The following MTMR3 variants were observed in gnomAD, a reference collection of about 807,000 sequenced individuals.
MTMR3 encodes the protein phosphatidylinositol-3,5-bisphosphate 3-phosphatase MTMR3.
MTMR3 carries 32 observed loss-of-function variants against 132.4 expected under a neutral mutation model. That is an observed-to-expected ratio of 0.24 (90% CI 0.18 to 0.32). The LOEUF (loss-of-function observed/expected upper bound fraction) is 0.32, where lower values mean the gene tolerates loss of function less well. MTMR3 is among the 10% of genes least tolerant of loss of function. The pLI is 1.00. For synonymous variants in MTMR3, 556 were observed against 550.3 expected (o/e 1.01, Z -0.14); for missense variants, 1,216 against 1,489.6 (o/e 0.82, Z 3.02).
chr22:29,962,529 G>A (rs2066332190), intron 2 of MTMR3, among the ~76,000 whole-genome samples: 1 of 152,070 alleles, frequency 6.6e-6, no homozygotes, highest in Non-Finnish European at 1.5e-5. Flanking sequence ...AAAATAGCCG[G>A]GTGTGGTGGC....
intron 5 of MTMR3, chr22:29,985,892 T>C (rs891294919): frequency 1.3e-5 from 2 of 152,254 alleles, no homozygotes; most frequent in African/African-American, 2.4e-5. Flanking sequence ...TTTTATGATA[T>C]TAAATTTGGG....
intron 1 of MTMR3, among the ~76,000 whole-genome samples, chr22:29,930,390 C>G (rs1257010295): frequency 1.3e-5 from 2 of 152,108 alleles, no homozygotes; most frequent in Non-Finnish European, 2.9e-5. Context: ...GACTTCCAAA[C>G]CTAGCATTAT....
intron 18 of MTMR3, 180 bp from the exon 19 acceptor site, chr22:30,022,429 G>C (rs116928190): frequency 4.5e-4 from 284 of 632,920 alleles, no homozygotes; most frequent in Middle Eastern, 1.7e-3. Context: ...GGGGAGATTG[G>C]AGTCCCCTCC....
At chr22:29,892,105 A>G (rs1305087443) in intron 1 of MTMR3, among the ~76,000 whole-genome samples, 1 of 151,320 alleles carries the variant, frequency 6.6e-6, no homozygotes, top group South Asian at 2.1e-4. Flanking sequence ...GTGAGCTGAG[A>G]TTGTGCCACT....
chr22:29,982,973 G>GTA (rs1555911436), intron 5 of MTMR3: 7 of 148,108 alleles, frequency 4.7e-5, no homozygotes, highest in African/African-American at 1.7e-4. Context: ...GTGTGTGTGT[G>GTA]TGTATGTGTT....
At position 30,012,137 on chromosome 22, in the gene MTMR3, A is replaced by T. The variant is rs750399465; in HGVS notation, c.1122-231A>T. 7 of 449,242 alleles carry T rather than the reference A, an allele frequency of 1.6e-5. No homozygotes were observed. In the Admixed American group the frequency reaches 3.0e-4, roughly 19 times the overall value. The allele number at this position is 449,242 out of a possible 1,614,324, so 27.8% of individuals were successfully genotyped here. On this transcript the variant is annotated intron_variant, in intron 12 of 19. Coordinates refer to ENST00000401950, the MANE Select transcript of MTMR3 (RefSeq NM_021090.4). ...TCATCCATACAGATTTTGGAACAAA[A>T]GGTGTGCTATTAATTGTAGCCCCTA...
Position 29,954,059 on chromosome 22 carries a change from CTTTTTTTTTTTTT to C in MTMR3, c.-137-2965_-137-2953del, listed in dbSNP as rs59781649. ...CCCTTTTTTTTTCTTTCAAATGAGT[CTTTTTTTTTTTTT>C]TTTTTTTTTTTGTCTCTTAAATTTA... On this transcript the variant is annotated intron_variant, in intron 1 of 19. Transcript: ENST00000401950. Among the ~76,000 whole-genome samples the C allele has an allele frequency of 4.0e-4, 32 of 79,436 alleles. 1 individual carries two copies. Among genetic ancestry groups the C allele is most frequent in the African/African-American group, 1.3e-3 (25 of 18,936 alleles). 52.1% of individuals were successfully genotyped at this position (79,436 alleles called of 152,430 possible).
Position 30,019,638 on chromosome 22 carries a change from C to G in MTMR3, c.1979C>G (p.Pro660Arg), listed in dbSNP as rs2067695800. The change falls in exon 17 of 20, where the codon CCC (proline) becomes CGC (arginine). Residue 660 changes from proline (P) to arginine (R), a missense_variant. Physicochemically the swap from Pro to Arg is moderately radical, Grantham distance 103 (BLOSUM62 -2). Around this residue, in one of 7 missense-constraint regions of MTMR3, gnomAD observed 852 missense variants for 852.0 expected, o/e 1.00. Transcript: ENST00000401950. ...LSSLAGPGED[P>R]LSADSLGKPT... ...AGCCTGGCTGGCCCTGGAGAGGATCCCCTTTCTGCCGACAGCCTAGGGAAG... is the reference window on the plus strand; with the variant it reads ...AGCCTGGCTGGCCCTGGAGAGGATCGCCTTTCTGCCGACAGCCTAGGGAAG... 1 of 1,614,074 alleles carries G rather than the reference C, an allele frequency of 6.2e-7. No individual in the cohort carries two copies. Among genetic ancestry groups the G allele is most frequent in the South Asian group, 1.1e-5 (1 of 91,086 alleles).
rs2067794893 is a variant in MTMR3, at chr22:30,022,693, T to C, written c.3421T>C (p.Cys1141Arg). The change falls in exon 19 of 20, where the codon TGC (cysteine) becomes CGC (arginine). Residue 1141 changes from cysteine (C) to arginine (R), a missense_variant. This residue lies in a region of MTMR3 where 852 missense variants were observed against 852.0 expected (regional missense o/e 1.00). Coordinates refer to ENST00000401950, the MANE Select transcript of MTMR3 (RefSeq NM_021090.4). ...AFWLASRKHH[C>R]RNCGNVFCSS... ...CTGGCTTGCCAGCAGGAAGCACCAC[T>C]GCAGGTACCATTGAGGGGCTGTGGT... is the stretch of plus-strand genomic sequence containing the variant. The C allele has an allele frequency of 6.2e-7, 1 of 1,607,468 alleles. No homozygotes were observed. The highest frequency in any genetic ancestry group is 8.5e-7 in the Non-Finnish European group (1 of 1,179,480).
chr22:29,937,294 G>A (rs2065767945), intron 1 of MTMR3, among the ~76,000 whole-genome samples: 1 of 152,086 alleles, frequency 6.6e-6, no homozygotes, highest in South Asian at 2.1e-4. Context: ...TCTCTTCTAA[G>A]AAGAGACTTC....
intron 1 of MTMR3, among the ~76,000 whole-genome samples, chr22:29,906,630 C>G (rs994719727): frequency 3.3e-5 from 5 of 152,150 alleles, no homozygotes; most frequent in African/African-American, 4.8e-5. Flanking sequence ...ACCACCGTGC[C>G]TGGCCTGTCT....
At chr22:29,895,634 A>T (rs1568993690) in intron 1 of MTMR3, among the ~76,000 whole-genome samples, 1 of 152,002 alleles carries the variant, frequency 6.6e-6, no homozygotes, top group Non-Finnish European at 1.5e-5. Context: ...GAAGAATTGG[A>T]CCCTTTCTGT....
chr22:29,972,938 ATTAAG>A (rs1446446498), intron 3 of MTMR3, among the ~76,000 whole-genome samples: 3 of 151,970 alleles, frequency 2.0e-5, no homozygotes, highest in African/African-American at 7.2e-5. Context: ...TGATAAAATA[ATTAAG>A]TTTCTATTTT....
chr22:29,912,482 C>G (rs1356613976), intron 1 of MTMR3, among the ~76,000 whole-genome samples: 2 of 152,150 alleles, frequency 1.3e-5, no homozygotes, highest in Non-Finnish European at 2.9e-5. Flanking sequence ...TGGGTTCTCG[C>G]TATGTTGCCC....
intron 1 of MTMR3, among the ~76,000 whole-genome samples, chr22:29,900,530 T>C (rs1401667083): frequency 1.3e-5 from 2 of 152,182 alleles, no homozygotes; most frequent in African/African-American, 2.4e-5. Context: ...AGGTTAGTAT[T>C]GAGGCTTAGT....
chr22:29,993,334 G>T (rs1038530678), intron 7 of MTMR3: 1 of 152,010 alleles, frequency 6.6e-6, no homozygotes, highest in Non-Finnish European at 1.5e-5. Context: ...AAATTTGGGG[G>T]TTTTTCTTAA....
chr22:29,884,784 G>T (rs1173423895), intron 1 of MTMR3, among the ~76,000 whole-genome samples: 1 of 152,092 alleles, frequency 6.6e-6, no homozygotes, highest in Non-Finnish European at 1.5e-5. Flanking sequence ...GGCTGGCCTG[G>T]AACTCTTGAC....
chr22:29,941,837 C>G (rs2065862727), intron 1 of MTMR3, among the ~76,000 whole-genome samples: 2 of 152,096 alleles, frequency 1.3e-5, no homozygotes. Flanking sequence ...AAATAATTAA[C>G]CAGACATGGT....
intron 2 of MTMR3, among the ~76,000 whole-genome samples, chr22:29,960,910 T>A (rs907830446): frequency 2.6e-5 from 4 of 152,222 alleles, no homozygotes; most frequent in Non-Finnish European, 5.9e-5. Flanking sequence ...AAATTTGTTA[T>A]CCTAATTGCA....
Sources: gnomAD v4.1 joint callset for allele counts (sites outside exome capture counted in the v4.1 genomes callset) on GRCh38, gnomAD v4.1.1 for gene constraint, gnomAD v4.1.1 regional missense constraint, MANE v1.5 for transcripts, NCBI Gene and HGNC (gene_info 2026-07-23, HGNC 2026-07-21) for gene names.